The following PRSS16 variants were observed in gnomAD, a reference collection of about 807,000 sequenced individuals.
PRSS16 encodes the protein serine protease 16.
PRSS16 carries 43 observed loss-of-function variants against 61.7 expected under a neutral mutation model. That is an observed-to-expected ratio of 0.70 (90% CI 0.55 to 0.90). The LOEUF is 0.90. Among genes scored for constraint, PRSS16 ranks in the 40% least tolerant of loss-of-function variants. The pLI is 0.00. For missense variants in PRSS16, 591 were observed against 659.1 expected (o/e 0.90, Z 1.13); for synonymous variants, 273 against 285.2 (o/e 0.96, Z 0.43).
At chr6:27,254,578 C>A in intron 9 of PRSS16, 115 bp from the exon 10 acceptor site, 1 of 1,030,872 alleles carries the variant, frequency 9.7e-7, no homozygotes, top group Non-Finnish European at 1.5e-6. Flanking sequence ...GTAAACTCCT[C>A]GAAGGGAGTA....
chr6:27,251,970 G>A lies in PRSS16; in HGVS notation c.938G>A (p.Gly313Glu). Residue 313 changes from glycine (G) to glutamate (E), a missense_variant, in exon 8 of 12, where the codon GGA (glycine) becomes GAA (glutamate). Coordinates refer to ENST00000230582, the MANE Select transcript of PRSS16 (RefSeq NM_005865.4). This position sits in a 1 kb window ranked among gnomAD's most constrained non-coding sequence, Gnocchi z 5.6. ...CCGCTAAGCGTGCGACAGCTCTGCG[G>A]ACTTCTCCTCGGGGGCGGGGGCAAC... ...GAPLSVRQLCGLLLGGGGNRS... is the reference protein window; with the variant it reads ...GAPLSVRQLCELLLGGGGNRS... The A allele has an allele frequency of 6.2e-7, 1 of 1,603,298 alleles. No homozygotes were observed. Among genetic ancestry groups the A allele is most frequent in the Non-Finnish European group, 8.5e-7 (1 of 1,175,708 alleles).
Position 27,251,458 on chromosome 6 carries a change from C to A in PRSS16, c.717+194C>A. The stretch of plus-strand genomic sequence containing the variant: ...GAGGGGCACCAGGAAAAGAGGCGCT[C>A]CCCAGAGAGGGCGGGGTTTGGGCAG... On this transcript the variant is annotated intron_variant, in intron 7 of 11. Transcript: ENST00000230582. The surrounding 1 kb of genome is among the most constrained non-coding windows in gnomAD (Gnocchi z 5.6). 1 of 798,548 alleles carries A rather than the reference C, an allele frequency of 1.3e-6. No individual in the cohort carries two copies. Among genetic ancestry groups the A allele is most frequent in the Non-Finnish European group, 1.9e-6 (1 of 522,328 alleles). 49.5% of individuals were successfully genotyped at this position (798,548 alleles called of 1,614,324 possible).
intron 4 of PRSS16, 110 bp downstream of exon 4, chr6:27,249,339 C>G (rs1259055497): frequency 6.0e-6 from 8 of 1,340,502 alleles, no homozygotes. Flanking sequence ...ACCTCTGAGT[C>G]TCTGGTTCCC....
chr6:27,251,819 G>T lies in PRSS16; in HGVS notation c.787G>T (p.Ala263Ser), dbSNP rs201036521. The T allele has an allele frequency of 2.1e-4, 344 of 1,611,440 alleles. No individual in the cohort carries two copies. Among genetic ancestry groups the T allele is most frequent in the Middle Eastern group, 2.1e-3 (12 of 5,830 alleles). The change falls in exon 8 of 12, where the codon GCA (alanine) becomes TCA (serine). Residue 263 changes from alanine to serine, a missense_variant. Coordinates refer to ENST00000230582, the MANE Select transcript of PRSS16 (RefSeq NM_005865.4). The surrounding 1 kb of genome is among the most constrained non-coding windows in gnomAD (Gnocchi z 5.6). ...GCTGCGCTCGGGTGGGGCGGCTCAA[G>T]CAGCATTGCGGACGGAGCTGAGCGC... The part of the protein sequence containing the change: ...RRLRSGGAAQ[A>S]ALRTELSACG...
At position 27,255,673 on chromosome 6, in the gene PRSS16, T is replaced by C. The variant is rs1367252224; in HGVS notation, c.*358T>C. On this transcript the variant is annotated 3_prime_UTR_variant, in exon 12 of 12. Transcript: ENST00000230582. The surrounding 1 kb of genome is among the most constrained non-coding windows in gnomAD (Gnocchi z 4.4). ...TTAGGGGCTTTGCTGTAAGTTTCTT[T>C]TTCTGGACTTTAGATCCTGAACCTG... 1.3e-4 allele frequency: 30 copies of C among 225,952 alleles called. No individual in the cohort carries two copies. Among genetic ancestry groups the C allele is most frequent in the Non-Finnish European group, 4.4e-5 (5 of 112,372 alleles). 14.0% of individuals were successfully genotyped at this position (225,952 alleles called of 1,614,324 possible).
chr6:27,251,263 A>C lies in PRSS16; in HGVS notation c.716A>C (p.Glu239Ala). Residue 239 changes from glutamate (E) to alanine (A), a missense_variant and splice_region_variant, in exon 7 of 12, where the codon GAG (glutamate) becomes GCG (alanine). Coordinates refer to ENST00000230582, the MANE Select transcript of PRSS16 (RefSeq NM_005865.4). This position sits in a 1 kb window ranked among gnomAD's most constrained non-coding sequence, Gnocchi z 5.6. ...AGCACCGCGATCGGCGGGTCCCTGG[A>C]GGTAGGAGGTGGGGCCTAGTCCGAG... ...LMSTAIGGSLECRAAVSVAFA... is the reference protein window; with the variant it reads ...LMSTAIGGSLACRAAVSVAFA... The C allele has an allele frequency of 6.2e-7, 1 of 1,602,676 alleles. No individual in the cohort carries two copies. The highest frequency in any genetic ancestry group is 8.5e-7 in the Non-Finnish European group (1 of 1,174,542).
At position 27,252,694 on chromosome 6, in the gene PRSS16, G is replaced by T; in HGVS notation, c.1009-114G>T. 8.4e-7 allele frequency: 1 copy of T among 1,183,620 alleles called. No homozygotes were observed. Among genetic ancestry groups the T allele is most frequent in the Non-Finnish European group, 1.2e-6 (1 of 832,258 alleles). 73.3% of individuals were successfully genotyped at this position (1,183,620 alleles called of 1,614,324 possible). On this transcript the variant is annotated intron_variant, in intron 8 of 11. Transcript: ENST00000230582. The surrounding 1 kb of genome is among the most constrained non-coding windows in gnomAD (Gnocchi z 4.2). ...GACCACTGACTCCCAGGAGAACTCA[G>T]GAACTCACCCTTCTATTTCTGACTT...
chr6:27,249,247 A>G lies in PRSS16; in HGVS notation c.467+18A>G, dbSNP rs765527081. ...CGCCTTGCGTGAGTGGAGGAAGGGA[A>G]AGTGTTTATGGTCAAAGGACAGGAA... is the stretch of plus-strand genomic sequence containing the variant. On this transcript the variant is annotated intron_variant, in intron 4 of 11. Coordinates refer to ENST00000230582, the MANE Select transcript of PRSS16 (RefSeq NM_005865.4). 5.6e-6 allele frequency: 9 copies of G among 1,610,302 alleles called. No individual in the cohort carries two copies. The highest frequency in any genetic ancestry group is 1.7e-5 in the Admixed American group (1 of 59,736).
intron 4 of PRSS16, 124 bp from the exon 5 acceptor site, chr6:27,250,559 A>T: frequency 7.1e-7 from 1 of 1,399,856 alleles, no homozygotes; most frequent in Non-Finnish European, 9.6e-7. Flanking sequence ...GTCATGAGAA[A>T]ACGGCCCTGG....
At position 27,251,777 on chromosome 6, in the gene PRSS16, G is replaced by C; in HGVS notation, c.745G>C (p.Ala249Pro). ...CCGGGCGGCGGTGTCCGTCGCCTTC[G>C]CTGAAGTGGAGCGGCGGCTGCGCTC... ...ECRAAVSVAF[A>P]EVERRLRSGG... is the part of the protein sequence containing the mutation. Residue 249 changes from alanine (A) to proline (P), a missense_variant, in exon 8 of 12, where the codon GCT becomes CCT. Ala to Pro is a conservative substitution (Grantham distance 27, BLOSUM62 -1). Transcript: ENST00000230582. This position sits in a 1 kb window ranked among gnomAD's most constrained non-coding sequence, Gnocchi z 5.6. 3 of 1,608,026 alleles carry C rather than the reference G, an allele frequency of 1.9e-6. No individual in the cohort carries two copies. Among genetic ancestry groups the C allele is most frequent in the Non-Finnish European group, 2.5e-6 (3 of 1,178,774 alleles).
Position 27,252,826 on chromosome 6 carries a change from G to C in PRSS16, c.1027G>C (p.Gly343Arg). ...RAVQIVLHSL[G>R]QKCLSFSRAE... is the part of the protein sequence containing the mutation. ...TCCCTAGATTGTCTTGCACAGCCTG[G>C]GCCAGAAGTGTTTAAGCTTTTCCCG... Residue 343 changes from glycine (G) to arginine (R), a missense_variant, in exon 9 of 12, where the codon GGC (glycine) becomes CGC (arginine). Coordinates refer to ENST00000230582, the MANE Select transcript of PRSS16 (RefSeq NM_005865.4). The surrounding 1 kb of genome is among the most constrained non-coding windows in gnomAD (Gnocchi z 4.2). 6.2e-7 allele frequency: 1 copy of C among 1,614,062 alleles called. No individual in the cohort carries two copies. Among genetic ancestry groups the C allele is most frequent in the East Asian group, 2.2e-5 (1 of 44,880 alleles).
chr6:27,255,864 C>G lies in PRSS16; in HGVS notation c.*549C>G, dbSNP rs567928446. On this transcript the variant is annotated 3_prime_UTR_variant, in exon 12 of 12. Transcript: ENST00000230582. The surrounding 1 kb of genome is among the most constrained non-coding windows in gnomAD (Gnocchi z 4.4). ...TCTGTTTATCTTTCTGTCCTTCAAT[C>G]TGTGTTTTTGTTTCTGGCTCTCCGT... The G allele has an allele frequency of 6.5e-6, 1 of 153,732 alleles. No individual in the cohort carries two copies. Among genetic ancestry groups the G allele is most frequent in the African/African-American group, 2.4e-5 (1 of 41,556 alleles). 9.5% of individuals were successfully genotyped at this position (153,732 alleles called of 1,614,324 possible).
At position 27,251,425 on chromosome 6, in the gene PRSS16, A is replaced by G; in HGVS notation, c.717+161A>G. The G allele has an allele frequency of 6.2e-6, 6 of 969,946 alleles. No homozygotes were observed. The highest frequency in any genetic ancestry group is 3.0e-6 in the Non-Finnish European group (2 of 677,582). 60.1% of individuals were successfully genotyped at this position (969,946 alleles called of 1,614,324 possible). On this transcript the variant is annotated intron_variant, in intron 7 of 11. Transcript: ENST00000230582. This position sits in a 1 kb window ranked among gnomAD's most constrained non-coding sequence, Gnocchi z 5.6. ...AGGTTTTGGAAGAAGGCGGGAGCTG[A>G]CGAAGAGGAGGGGCACCAGGAAAAG...
chr6:27,247,834 G>C (rs1276019885), intron 1 of PRSS16, 27 bp downstream of exon 1: 1 of 1,613,536 alleles, frequency 6.2e-7, no homozygotes, highest in Non-Finnish European at 8.5e-7. Context: ...GGTCAAGCAG[G>C]GCATCCTAAG....
chr6:27,253,106 A>C, intron 9 of PRSS16, 157 bp downstream of exon 9: 1 of 931,854 alleles, frequency 1.1e-6, no homozygotes, highest in Non-Finnish European at 1.7e-6. Context: ...AAGCCATACT[A>C]GTGTATGCAT....
Position 27,254,282 on chromosome 6 carries a change from AG to A in PRSS16, c.1151-410del, listed in dbSNP as rs555530190. 50 of 159,378 alleles carry A rather than the reference AG, an allele frequency of 3.1e-4. 1 individual carries two copies. The highest frequency in any genetic ancestry group is 3.2e-3 in the Middle Eastern group (1 of 310). 9.9% of individuals were successfully genotyped at this position (159,378 alleles called of 1,614,324 possible). On this transcript the variant is annotated intron_variant, in intron 9 of 11. Coordinates refer to ENST00000230582, the MANE Select transcript of PRSS16 (RefSeq NM_005865.4). ...TTACAGAAGTTATCTTTACCCTGAA[AG>A]CACAGTGAGCTATGGGTTTTAAGCA...
chr6:27,247,992 T>C lies in PRSS16; in HGVS notation c.181T>C (p.Trp61Arg). 6.2e-7 allele frequency: 1 copy of C among 1,613,504 alleles called. No homozygotes were observed. Among genetic ancestry groups the C allele is most frequent in the Non-Finnish European group, 8.5e-7 (1 of 1,179,734 alleles). The change falls in exon 2 of 12, where the codon TGG (tryptophan) becomes CGG (arginine). Residue 61 changes from tryptophan (W) to arginine (R), a missense_variant. Coordinates refer to ENST00000230582, the MANE Select transcript of PRSS16 (RefSeq NM_005865.4). ...PGAAALPKVG[W>R]LEQLLDPFNV... is the part of the protein sequence containing the mutation. ...TGCTGCAGCCCTCCCAAAAGTGGGG[T>C]GGCTGGAGCAACTGCTGGACCCCTT...
In PRSS16 at chr6:27,252,100, C is replaced by T; in HGVS notation, c.1008+60C>T. On this transcript the variant is annotated intron_variant, in intron 8 of 11. Coordinates refer to ENST00000230582, the MANE Select transcript of PRSS16 (RefSeq NM_005865.4). This position sits in a 1 kb window ranked among gnomAD's most constrained non-coding sequence, Gnocchi z 4.2. ...CGGACAAAGATTCCTGCCCCACTTC[C>T]GTTGTGTGATCTTGGGCAAGCGAGA... The T allele has an allele frequency of 1.4e-6, 2 of 1,430,092 alleles. No individual in the cohort carries two copies. The highest frequency in any genetic ancestry group is 1.8e-6 in the Non-Finnish European group (2 of 1,095,418). The allele number at this position is 1,430,092 out of a possible 1,614,324, so 88.6% of individuals were successfully genotyped here.
chr6:27,252,739 GC>G lies in PRSS16; in HGVS notation c.1009-67del. ...TGACTTTTGACCTCTGGGGACATAG[GC>G]CTCTGCACCCTGGCTTGCTGGGAAG... On this transcript the variant is annotated intron_variant, in intron 8 of 11. Coordinates refer to ENST00000230582, the MANE Select transcript of PRSS16 (RefSeq NM_005865.4). The surrounding 1 kb of genome is among the most constrained non-coding windows in gnomAD (Gnocchi z 4.2). 6.3e-7 allele frequency: 1 copy of G among 1,578,248 alleles called. No individual in the cohort carries two copies. The highest frequency in any genetic ancestry group is 8.7e-7 in the Non-Finnish European group (1 of 1,152,306).
Sources: allele counts gnomAD v4.1 joint callset, GRCh38; gene constraint gnomAD v4.1.1; non-coding constraint Gnocchi (gnomAD v3.1); transcripts MANE v1.5; gene names NCBI Gene and HGNC (gene_info 2026-07-23, HGNC 2026-07-21).